The following NBAS variants were observed in gnomAD, a reference collection of about 807,000 sequenced individuals.
NBAS encodes the protein NBAS subunit of NRZ tethering complex, also known as NAG/BC035112 fusion.
In NBAS, 219 loss-of-function variants were observed where a neutral mutation model predicts 302.5. The observed-to-expected ratio is 0.72, with a 90% CI of 0.65 to 0.81. The LOEUF is 0.81. NBAS is among the 30% of genes least tolerant of loss of function. The pLI is 0.00. For synonymous variants in NBAS, 1,118 were observed against 1,021.6 expected (o/e 1.09, Z -1.80); for missense variants, 2,932 against 2,841.6 (o/e 1.03, Z -0.72).
chr2:15,525,495 T>A (rs1400279851), intron 9 of NBAS, among the ~76,000 whole-genome samples: 1 of 152,230 alleles, frequency 6.6e-6, no homozygotes, highest in Non-Finnish European at 1.5e-5. Context: ...AAAATATTTT[T>A]AAAATTTTCT....
chr2:14,844,605 C>T, the NBAS span, among the ~76,000 whole-genome samples: 6 of 152,258 alleles, frequency 3.9e-5, no homozygotes, highest in East Asian at 1.2e-3. Context: ...CTCATGGGGT[C>T]CCCAATTCCA....
the NBAS span, among the ~76,000 whole-genome samples, chr2:14,874,499 G>A: frequency 6.1e-4 from 92 of 151,134 alleles, 2 homozygotes; most frequent in South Asian, 0.013. Flanking sequence ...AATGAGCCGG[G>A]CATGGTGGCA....
chr2:15,332,107 A>T (rs1672382023), intron 35 of NBAS, among the ~76,000 whole-genome samples: 1 of 152,222 alleles, frequency 6.6e-6, no homozygotes, highest in South Asian at 2.1e-4. Context: ...CACTGAGAAC[A>T]GCCATCAGGC....
intron 13 of NBAS, among the ~76,000 whole-genome samples, chr2:15,476,252 TA>T (rs1462932413): frequency 1.3e-5 from 2 of 152,128 alleles, no homozygotes; most frequent in East Asian, 3.9e-4. Flanking sequence ...GAAGGTCATA[TA>T]ATGTTTTGAA....
At chr2:15,087,896 A>C in the NBAS span, among the ~76,000 whole-genome samples, 1 of 152,190 alleles carries the variant, frequency 6.6e-6, no homozygotes, top group East Asian at 1.9e-4. Context: ...TCAAAGCACA[A>C]ACTCTGGGGT....
In NBAS at chr2:15,460,478, T is replaced by C. The variant is rs76964657; in HGVS notation, c.2339+723A>G. On this transcript the variant is annotated intron_variant, in intron 21 of 51. Coordinates refer to ENST00000281513, the MANE Select transcript of NBAS (RefSeq NM_015909.4). ...TTGCCTTATGCCTCTATTCAGTAAC[T>C]GACCTAAGCAAGGTATGCTAAGCCC... Among the ~76,000 whole-genome samples the C allele has an allele frequency of 7.4e-3, 1,122 of 152,358 alleles. 12 individuals carry two copies. Among genetic ancestry groups the C allele is most frequent in the African/African-American group, 0.025 (1,057 of 41,588 alleles).
chr2:15,254,157 T>A (rs983164773), intron 44 of NBAS, among the ~76,000 whole-genome samples: 1 of 152,126 alleles, frequency 6.6e-6, no homozygotes. Flanking sequence ...GTGTTTTGCA[T>A]GTCTGAGATC....
intron 19 of NBAS, among the ~76,000 whole-genome samples, chr2:15,463,581 T>C (rs1679597786): frequency 6.6e-6 from 1 of 152,096 alleles, no homozygotes; most frequent in Non-Finnish European, 1.5e-5. Flanking sequence ...GCCTGGTTCA[T>C]GGCTTTAAAA....
At chr2:15,136,438 A>T in the NBAS span, among the ~76,000 whole-genome samples, 1 of 152,212 alleles carries the variant, frequency 6.6e-6, no homozygotes, top group African/African-American at 2.4e-5. Flanking sequence ...AAATGGTGAT[A>T]GACAATAGGT....
At chr2:14,891,529 C>G in the NBAS span, among the ~76,000 whole-genome samples, 1 of 152,140 alleles carries the variant, frequency 6.6e-6, no homozygotes, top group Non-Finnish European at 1.5e-5. Flanking sequence ...TCAGTGCATC[C>G]ATTTTTCCAG....
At chr2:14,924,159 T>G in the NBAS span, among the ~76,000 whole-genome samples, 1 of 152,228 alleles carries the variant, frequency 6.6e-6, no homozygotes, top group South Asian at 2.1e-4. Flanking sequence ...AAAGAGATTT[T>G]GAATGATACA....
At chr2:15,340,896 G>A (rs1672816800) in intron 35 of NBAS, among the ~76,000 whole-genome samples, 1 of 152,144 alleles carries the variant, frequency 6.6e-6, no homozygotes, top group South Asian at 2.1e-4. Flanking sequence ...GTCACTGGTG[G>A]TGACCGAGGC....
the NBAS span, among the ~76,000 whole-genome samples, chr2:14,783,512 T>C: frequency 2.3e-3 from 293 of 128,552 alleles, no homozygotes; most frequent in Non-Finnish European, 3.7e-3. Flanking sequence ...GATGTTCCCC[T>C]TCCTGTATCC....
chr2:14,973,743 T>A, the NBAS span, among the ~76,000 whole-genome samples: 1 of 152,244 alleles, frequency 6.6e-6, no homozygotes, highest in Non-Finnish European at 1.5e-5. Flanking sequence ...ATCCTGTACA[T>A]AAGTTATTTA....
At chr2:14,883,463 G>C in the NBAS span, among the ~76,000 whole-genome samples, 1 of 152,070 alleles carries the variant, frequency 6.6e-6, no homozygotes, top group Non-Finnish European at 1.5e-5. Flanking sequence ...TAGATACTTA[G>C]GTCGAAGGAG....
intron 13 of NBAS, among the ~76,000 whole-genome samples, chr2:15,476,825 T>A (rs750465773): frequency 1.5e-4 from 23 of 152,212 alleles, no homozygotes; most frequent in Non-Finnish European, 2.9e-4. Context: ...ATATCACCTG[T>A]TATACAAAAC....
chr2:15,291,021 T>A (rs1670281661), intron 41 of NBAS, among the ~76,000 whole-genome samples: 1 of 152,238 alleles, frequency 6.6e-6, no homozygotes, highest in Admixed American at 6.5e-5. Context: ...TACTCCACTA[T>A]CATAATGAAG....
At chr2:15,071,612 A>C in the NBAS span, among the ~76,000 whole-genome samples, 3 of 149,946 alleles carry the variant, frequency 2.0e-5, no homozygotes, top group Non-Finnish European at 4.4e-5. Context: ...TGATAGAGCA[A>C]GACTCCATCT....
chr2:15,137,771 G>A, the NBAS span, among the ~76,000 whole-genome samples: 1 of 152,144 alleles, frequency 6.6e-6, no homozygotes, highest in Non-Finnish European at 1.5e-5. Context: ...GAAAAGGGGG[G>A]TTGGAGTTTT....
Sources: allele counts gnomAD v4.1 joint callset (sites outside exome capture counted in the v4.1 genomes callset), GRCh38; gene constraint gnomAD v4.1.1; transcripts MANE v1.5; gene names NCBI Gene and HGNC (gene_info 2026-07-23, HGNC 2026-07-21).